Variants in UNC5D observed in about 807,000 individuals in gnomAD.
UNC5D encodes the protein unc-5 netrin receptor D.
Under a neutral mutation model 105.4 loss-of-function variants are expected in UNC5D, and 39 were observed. The ratio of observed to expected loss-of-function variants is 0.37; its 90% CI spans 0.29 to 0.48. UNC5D has a LOEUF of 0.48. UNC5D is among the 20% of genes least tolerant of loss of function. The probability of loss-of-function intolerance (pLI) is 0.98; values close to 1 mark genes in which losing one functional copy is unlikely to be tolerated. For missense variants in UNC5D, 991 were observed against 1,202.4 expected (o/e 0.82, Z 2.60); for synonymous variants, 452 against 450.4 (o/e 1.00, Z -0.04).
At chr8:35,270,060 A>T (rs1344209459) in intron 1 of UNC5D, among the ~76,000 whole-genome samples, 4 of 152,204 alleles carry the variant, frequency 2.6e-5, no homozygotes, top group Non-Finnish European at 5.9e-5. Context: ...TCTTGTGTAT[A>T]TCAGAAGATA....
At chr8:35,246,875 C>T (rs563287183) in intron 1 of UNC5D, among the ~76,000 whole-genome samples, 1 of 152,054 alleles carries the variant, frequency 6.6e-6, no homozygotes, top group Non-Finnish European at 1.5e-5. Flanking sequence ...TTATTGAACA[C>T]TGATTTGATC....
intron 1 of UNC5D, among the ~76,000 whole-genome samples, chr8:35,498,111 A>T (rs925905606): frequency 8.6e-5 from 12 of 139,666 alleles, no homozygotes; most frequent in African/African-American, 3.0e-4. Flanking sequence ...AAAAAAAAAA[A>T]GCGGGGGAGA....
At chr8:35,346,714 A>G (rs1267063233) in intron 1 of UNC5D, among the ~76,000 whole-genome samples, 1 of 152,022 alleles carries the variant, frequency 6.6e-6, no homozygotes, top group Admixed American at 6.6e-5. Flanking sequence ...TGAGTATGCA[A>G]TGGAATGAGT....
intron 1 of UNC5D, among the ~76,000 whole-genome samples, chr8:35,295,864 CCT>C (rs1008022258): frequency 1.1e-4 from 17 of 152,168 alleles, no homozygotes. Context: ...AATCACCATT[CCT>C]CTCTCTGTTT....
intron 1 of UNC5D, among the ~76,000 whole-genome samples, chr8:35,461,103 C>T (rs1043483336): frequency 2.0e-5 from 3 of 152,226 alleles, no homozygotes; most frequent in African/African-American, 7.2e-5. Flanking sequence ...TGGACATAAA[C>T]TCCTAAAGGA....
intron 1 of UNC5D, among the ~76,000 whole-genome samples, chr8:35,483,249 G>A (rs1179836851): frequency 1.3e-5 from 2 of 152,288 alleles, no homozygotes; most frequent in South Asian, 2.1e-4. Context: ...TTTACTCTAA[G>A]CATTGTGGAC....
At chr8:35,417,551 A>T (rs1227416196) in intron 1 of UNC5D, among the ~76,000 whole-genome samples, 2 of 152,202 alleles carry the variant, frequency 1.3e-5, no homozygotes, top group Non-Finnish European at 2.9e-5. Flanking sequence ...AAAGCAATAT[A>T]ACATGGAATG....
chr8:35,268,975 G>A (rs532696530), intron 1 of UNC5D, among the ~76,000 whole-genome samples: 2 of 152,084 alleles, frequency 1.3e-5, no homozygotes, highest in African/African-American at 2.4e-5. Flanking sequence ...GATGAACCAC[G>A]AATTCATGAA....
At chr8:35,743,399 AGCT>A (rs1829855689) in intron 11 of UNC5D, among the ~76,000 whole-genome samples, 3 of 151,828 alleles carry the variant, frequency 2.0e-5, no homozygotes, top group Non-Finnish European at 2.9e-5. Context: ...CCTCCTGAGT[AGCT>A]GGGACTACAG....
At chr8:35,680,550 T>TA (rs1381106733) in intron 4 of UNC5D, among the ~76,000 whole-genome samples, 1 of 152,244 alleles carries the variant, frequency 6.6e-6, no homozygotes, top group South Asian at 2.1e-4. Context: ...ATTAACCTTA[T>TA]ATCTATCAAA....
intron 15 of UNC5D, among the ~76,000 whole-genome samples, chr8:35,770,241 T>A (rs1801950947): frequency 6.6e-6 from 1 of 152,186 alleles, no homozygotes; most frequent in Non-Finnish European, 1.5e-5. Context: ...GATCAAGATT[T>A]AAGATGTATA....
At chr8:35,296,739 T>C (rs1373132283) in intron 1 of UNC5D, among the ~76,000 whole-genome samples, 1 of 152,160 alleles carries the variant, frequency 6.6e-6, no homozygotes, top group Non-Finnish European at 1.5e-5. Flanking sequence ...TACCTTTTCA[T>C]GTATCTTTTG....
At chr8:35,263,158 AACTCCT>A (rs1442323428) in intron 1 of UNC5D, among the ~76,000 whole-genome samples, 1 of 152,100 alleles carries the variant, frequency 6.6e-6, no homozygotes, top group African/African-American at 2.4e-5. Flanking sequence ...CAGGCTGACA[AACTCCT>A]ATTTAACCCT....
chr8:35,320,441 C>G (rs1249406035), intron 1 of UNC5D, among the ~76,000 whole-genome samples: 1 of 152,042 alleles, frequency 6.6e-6, no homozygotes, highest in Non-Finnish European at 1.5e-5. Flanking sequence ...ATGCCACACT[C>G]TTAGTTAATT....
Position 35,785,917 on chromosome 8 carries a change from G to A in UNC5D, c.2658-4442G>A, listed in dbSNP as rs140440173. Among the ~76,000 whole-genome samples the A allele has an allele frequency of 4.6e-5, 7 of 152,154 alleles. No homozygotes were observed. In the East Asian group the frequency reaches 1.2e-3, roughly 25 times the overall value. Reference sequence around the variant, plus strand: ...TACTATGGGAACAATCTTCCTGGACGTCACCTAAGTTTTATTATCCCCCTT... The same window carrying A: ...TACTATGGGAACAATCTTCCTGGACATCACCTAAGTTTTATTATCCCCCTT... On this transcript the variant is annotated intron_variant, in intron 16 of 16. Coordinates refer to ENST00000404895, the MANE Select transcript of UNC5D (RefSeq NM_080872.4).
intron 1 of UNC5D, among the ~76,000 whole-genome samples, chr8:35,283,118 G>T (rs950275380): frequency 6.6e-6 from 1 of 152,144 alleles, no homozygotes; most frequent in Non-Finnish European, 1.5e-5. Context: ...TCTGGAGGTT[G>T]TCAATGGTAG....
chr8:35,713,720 T>G (rs1828093309), intron 8 of UNC5D, among the ~76,000 whole-genome samples: 1 of 152,102 alleles, frequency 6.6e-6, no homozygotes, highest in African/African-American at 2.4e-5. Flanking sequence ...TTGCCAACCT[T>G]GGAAGGATGG....
intron 4 of UNC5D, among the ~76,000 whole-genome samples, chr8:35,606,592 G>A (rs950503011): frequency 2.0e-5 from 3 of 152,062 alleles, no homozygotes; most frequent in Non-Finnish European, 2.9e-5. Flanking sequence ...CTCCCCTCGA[G>A]TAGACCCCAA....
chr8:35,598,138 A>T (rs1269849377), intron 4 of UNC5D, among the ~76,000 whole-genome samples: 1 of 151,462 alleles, frequency 6.6e-6, no homozygotes, highest in Non-Finnish European at 1.5e-5. Flanking sequence ...TGCTCTGTAC[A>T]CTCTGCAAAT....
Sources: allele counts gnomAD v4.1 joint callset (sites outside exome capture counted in the v4.1 genomes callset), GRCh38; gene constraint gnomAD v4.1.1; transcripts MANE v1.5; gene names NCBI Gene and HGNC (gene_info 2026-07-23, HGNC 2026-07-21).